Variants in PDE6A observed in about 807,000 individuals in gnomAD.
PDE6A encodes the protein rod cGMP-specific 3',5'-cyclic phosphodiesterase subunit alpha.
A neutral mutation model predicts 106.3 loss-of-function variants in PDE6A; 84 were observed. The observed-to-expected ratio is 0.79, with a 90% CI of 0.66 to 0.95. The LOEUF (loss-of-function observed/expected upper bound fraction) is 0.95. Among genes scored for constraint, PDE6A ranks in the 40% least tolerant of loss-of-function variants. The pLI is 0.00. For synonymous variants in PDE6A, 394 were observed against 386.6 expected, an observed-to-expected ratio of 1.02 and a Z score of -0.23; for missense variants, 1,052 against 1,084.9, an observed-to-expected ratio of 0.97 and a Z score of 0.43.
Position 149,859,115 on chromosome 5 carries a change from G to A in PDE6A, c.*1780C>T, listed in dbSNP as rs184935833. The A allele has an allele frequency of 3.8e-4, 58 of 152,218 alleles. 1 individual carries two copies. Among genetic ancestry groups the A allele is most frequent in the Middle Eastern group, 3.4e-3 (1 of 294 alleles). The allele number at this position is 152,218 out of a possible 1,614,324, so 9.4% of individuals were successfully genotyped here. Reference sequence around the variant, plus strand: ...GCTGGAATTACAGGCGTGAGCCACCGCGCCCGGCCAACATCTATCTTTTTA... The same window carrying A: ...GCTGGAATTACAGGCGTGAGCCACCACGCCCGGCCAACATCTATCTTTTTA... On this transcript the variant is annotated 3_prime_UTR_variant, in exon 22 of 22. Transcript: ENST00000255266.
chr5:149,925,147 AAAT>A (rs1753834618), intron 4 of PDE6A, among the ~76,000 whole-genome samples: 1 of 152,232 alleles, frequency 6.6e-6, no homozygotes. Context: ...CTTCAAACAA[AAAT>A]AATAAAGCAT....
At chr5:149,915,032 CTTTTTTT>C (rs60750624) in intron 5 of PDE6A, 25 bp from the exon 6 acceptor site, 134 of 796,894 alleles carry the variant, frequency 1.7e-4, no homozygotes, top group East Asian at 1.9e-4. Flanking sequence ...AAAAATTATA[CTTTTTTT>C]TTTTTTTTTT....
intron 20 of PDE6A, among the ~76,000 whole-genome samples, chr5:149,865,774 T>C (rs1453874044): frequency 6.6e-6 from 1 of 152,054 alleles, no homozygotes; most frequent in African/African-American, 2.4e-5. Context: ...GAGCAATGGG[T>C]TTCTCAAGAG....
intron 17 of PDE6A, among the ~76,000 whole-genome samples, chr5:149,872,635 T>G (rs1760603959): frequency 6.6e-6 from 1 of 152,160 alleles, no homozygotes; most frequent in African/African-American, 2.4e-5. Context: ...TTCAGGACAC[T>G]TACTCAGACC....
chr5:149,898,658 A>G (rs1752849108), intron 9 of PDE6A, 152 bp from the exon 10 acceptor site: 1 of 713,464 alleles, frequency 1.4e-6, no homozygotes, highest in East Asian at 2.7e-5. Context: ...AGTTCTTATA[A>G]GGCTAAGATA....
At chr5:149,887,031 A>G (rs988661437) in intron 13 of PDE6A, among the ~76,000 whole-genome samples, 2 of 152,038 alleles carry the variant, frequency 1.3e-5, no homozygotes, top group African/African-American at 4.8e-5. Context: ...GCCAAGGGGG[A>G]AGGGATGATG....
intron 13 of PDE6A, among the ~76,000 whole-genome samples, chr5:149,892,886 CTG>C (rs921108388): frequency 2.8e-4 from 42 of 152,358 alleles, no homozygotes; most frequent in African/African-American, 9.9e-4. Context: ...GCAAAGCTAA[CTG>C]AATCAATTGG....
intron 7 of PDE6A, among the ~76,000 whole-genome samples, chr5:149,905,129 A>ACACTTTC (rs1343814191): frequency 6.6e-6 from 1 of 152,052 alleles, no homozygotes; most frequent in South Asian, 2.1e-4. Flanking sequence ...TTCCTTCCAG[A>ACACTTTC]CACTTTCCAC....
At chr5:149,873,495 C>G (rs1451701092) in intron 17 of PDE6A, among the ~76,000 whole-genome samples, 2 of 152,062 alleles carry the variant, frequency 1.3e-5, no homozygotes, top group African/African-American at 4.8e-5. Flanking sequence ...CCACGCCCAG[C>G]TAATTTTTGT....
At chr5:149,882,300 G>C (rs1043915887) in intron 17 of PDE6A, among the ~76,000 whole-genome samples, 3 of 151,906 alleles carry the variant, frequency 2.0e-5, no homozygotes, top group African/African-American at 7.3e-5. Flanking sequence ...CCTCTTCTCT[G>C]TTGCAGACAT....
At chr5:149,940,365 TGCCCG>T in intron 1 of PDE6A, among the ~76,000 whole-genome samples, 1 of 152,256 alleles carries the variant, frequency 6.6e-6, no homozygotes, top group Non-Finnish European at 1.5e-5. Flanking sequence ...GGAGAACCAT[TGCCCG>T]GCCCCTGGAT....
intron 1 of PDE6A, among the ~76,000 whole-genome samples, chr5:149,941,071 G>A (rs1356960758): frequency 2.0e-5 from 3 of 152,162 alleles, no homozygotes; most frequent in African/African-American, 4.8e-5. Context: ...AATAAGACCC[G>A]CATGGGCCCT....
intron 17 of PDE6A, among the ~76,000 whole-genome samples, chr5:149,875,554 G>A (rs927469369): frequency 2.0e-5 from 3 of 148,868 alleles, no homozygotes; most frequent in Non-Finnish European, 4.4e-5. Flanking sequence ...TAGTGGCACC[G>A]TCAGGGCTCG....
intron 4 of PDE6A, among the ~76,000 whole-genome samples, chr5:149,928,621 C>T (rs1310891298): frequency 6.6e-6 from 1 of 152,104 alleles, no homozygotes; most frequent in Non-Finnish European, 1.5e-5. Context: ...ATGCGTTGCA[C>T]TATGACATCA....
At chr5:149,941,032 C>T (rs1419587549) in intron 1 of PDE6A, among the ~76,000 whole-genome samples, 1 of 152,232 alleles carries the variant, frequency 6.6e-6, no homozygotes, top group Non-Finnish European at 1.5e-5. Flanking sequence ...TGCCGGAACA[C>T]AGCTCCTGGT....
At chr5:149,876,426 G>A (rs1197299779) in intron 17 of PDE6A, among the ~76,000 whole-genome samples, 1 of 146,138 alleles carries the variant, frequency 6.8e-6, no homozygotes, top group Non-Finnish European at 1.5e-5. Flanking sequence ...CATGATCATA[G>A]CTAGCTGTAG....
At chr5:149,909,918 T>C (rs1753321893) in intron 6 of PDE6A, among the ~76,000 whole-genome samples, 1 of 152,230 alleles carries the variant, frequency 6.6e-6, no homozygotes. Flanking sequence ...CTTAAAGCAG[T>C]GTTCTATCTA....
intron 6 of PDE6A, 97 bp from the exon 7 acceptor site, chr5:149,907,475 G>A: frequency 2.1e-6 from 2 of 941,876 alleles, no homozygotes; most frequent in Non-Finnish European, 1.7e-6. Context: ...CTCTCAGGTG[G>A]CTCTCAGCAC....
chr5:149,876,347 C>T (rs868659547), intron 17 of PDE6A, among the ~76,000 whole-genome samples: 3 of 142,970 alleles, frequency 2.1e-5, no homozygotes, highest in Non-Finnish European at 3.0e-5. Context: ...CCCATTTTTC[C>T]TCTTTTTTTT....
Sources: gnomAD v4.1 joint callset for allele counts (sites outside exome capture counted in the v4.1 genomes callset) on GRCh38, gnomAD v4.1.1 for gene constraint, MANE v1.5 for transcripts, NCBI Gene and HGNC (gene_info 2026-07-23, HGNC 2026-07-21) for gene names.